The following GDF1 variants were observed in gnomAD, a reference collection of about 807,000 sequenced individuals.
GDF1 encodes the protein embryonic growth/differentiation factor 1.
In GDF1, 8 loss-of-function variants were observed where a neutral mutation model predicts 7.4. The ratio of observed to expected loss-of-function variants is 1.09; its 90% CI spans 0.64 to 1.96. The LOEUF is 1.96. Ranked by LOEUF, GDF1 falls within the 30% of genes most tolerant of loss-of-function variation. GDF1 has a pLI of 0.00. For missense variants in GDF1, 574 were observed against 551.5 expected, an observed-to-expected ratio of 1.04 and a Z score of -0.41; for synonymous variants, 311 against 276.7, an observed-to-expected ratio of 1.12 and a Z score of -1.23.
At chr19:18,886,594 G>A (rs901695635) in intron 2 of GDF1, among the ~76,000 whole-genome samples, 6 of 152,000 alleles carry the variant, frequency 3.9e-5, no homozygotes, top group East Asian at 1.9e-4. Flanking sequence ...AAAAAAAGGC[G>A]GGAAGCCATG....
intron 1 of GDF1, 88 bp from the exon 2 acceptor site, chr19:18,893,663 C>T: frequency 7.3e-7 from 1 of 1,369,924 alleles, no homozygotes; most frequent in African/African-American, 1.4e-5. Flanking sequence ...CCCAGGGACT[C>T]CCCAGGCCGG....
At chr19:18,893,685 A>G in intron 1 of GDF1, 110 bp from the exon 2 acceptor site, 1 of 1,147,542 alleles carries the variant, frequency 8.7e-7, no homozygotes, top group Non-Finnish European at 1.2e-6. Context: ...CAGCACTGGG[A>G]AGGCCTGTCC....
rs1473200602 is a variant in GDF1 at position 18,896,096 on chromosome 19, C to G, written c.-1346G>C. ...ATACCGCCCGCTCGCCCGCCGTGCC[C>G]GTCGCCTGCGCCCGCCCGCGGTAGC... On this transcript the variant is annotated 5_prime_UTR_variant, in exon 1 of 8. Transcript: ENST00000247005. This position sits in a 1 kb window ranked among gnomAD's most constrained non-coding sequence, Gnocchi z 5.9. 19 of 908,010 alleles carry G rather than the reference C, an allele frequency of 2.1e-5. No homozygotes were observed. Among genetic ancestry groups the G allele is most frequent in the Non-Finnish European group, 2.5e-5 (19 of 761,990 alleles). The allele number at this position is 908,010 out of a possible 1,614,324, so 56.2% of individuals were successfully genotyped here.
rs751015517 is a variant in GDF1 at position 18,870,127 on chromosome 19, C to T, written c.181G>A (p.Val61Ile). ...GAPRLRPVPP[V>I]MWRLFRRRDP... ...CGGCGTCGAAACAGGCGCCACATGA[C>T]CGGGGGAACCGGCCGGAGCCTGGGG... Residue 61 changes from valine to isoleucine, a missense_variant, in exon 7 of 8, where the codon GTC becomes ATC. Transcript: ENST00000247005. The surrounding 1 kb of genome is among the most constrained non-coding windows in gnomAD (Gnocchi z 5.1). 1 of 1,566,032 alleles carries T rather than the reference C, an allele frequency of 6.4e-7. No homozygotes were observed. The highest frequency in any genetic ancestry group is 1.2e-5 in the South Asian group (1 of 86,220).
Position 18,878,733 on chromosome 19 carries a change from T to A in GDF1, c.-313+197A>T. 7.2e-7 allele frequency: 1 copy of A among 1,382,570 alleles called. No homozygotes were observed. The highest frequency in any genetic ancestry group is 9.4e-7 in the Non-Finnish European group (1 of 1,065,622). The allele number at this position is 1,382,570 out of a possible 1,614,324, so 85.6% of individuals were successfully genotyped here. Reference sequence around the variant, plus strand: ...GCCCCTCCCCAGCCTCTCCCTCCCCTTCCTCACTGTCCTGTCCTTCAGGGT... The same window carrying A: ...GCCCCTCCCCAGCCTCTCCCTCCCCATCCTCACTGTCCTGTCCTTCAGGGT... On this transcript the variant is annotated intron_variant, in intron 6 of 7. Coordinates refer to ENST00000247005, the MANE Select transcript of GDF1 (RefSeq NM_001492.6). This position sits in a 1 kb window ranked among gnomAD's most constrained non-coding sequence, Gnocchi z 4.6.
Position 18,870,352 on chromosome 19 carries a change from G to A in GDF1, c.-45C>T. On this transcript the variant is annotated 5_prime_UTR_variant, in exon 7 of 8. Transcript: ENST00000247005. The surrounding 1 kb of genome is among the most constrained non-coding windows in gnomAD (Gnocchi z 5.1). ...CAGAGAGTGCGCAGGGTCCGCGGCG[G>A]CCCGGGACCAGTGGGCTGAGGGCGG... 1 of 1,541,002 alleles carries A rather than the reference G, an allele frequency of 6.5e-7. No homozygotes were observed. Among genetic ancestry groups the A allele is most frequent in the Non-Finnish European group, 8.7e-7 (1 of 1,145,248 alleles).
At chr19:18,872,806 G>A (rs1036834769) in intron 6 of GDF1, among the ~76,000 whole-genome samples, 5 of 150,398 alleles carry the variant, frequency 3.3e-5, no homozygotes, top group East Asian at 2.0e-4. Flanking sequence ...TGAGCGCCGC[G>A]CCTGGCTAAT....
rs1354366394 is a variant in GDF1 at position 18,868,784 on chromosome 19, C to A, written c.932G>T (p.Gly311Val). ...ALPVALSGSG[G>V]PPALNHAVLR... ...CACAGCGTGGTTGAGCGCCGGCGGC[C>A]CCCCGGACCCCGACAGCGCGACGGG... The change falls in exon 8 of 8, where the codon GGG becomes GTG. Residue 311 changes from glycine to valine, a missense_variant. Gly to Val is a moderately radical substitution (Grantham distance 109). Transcript: ENST00000247005. The A allele has an allele frequency of 6.8e-7, 1 of 1,462,994 alleles. No individual in the cohort carries two copies. The highest frequency in any genetic ancestry group is 3.1e-5 in the East Asian group (1 of 32,022). The allele number at this position is 1,462,994 out of a possible 1,614,324, so 90.6% of individuals were successfully genotyped here.
chr19:18,888,190 G>T (rs2056405864), intron 2 of GDF1, among the ~76,000 whole-genome samples: 2 of 151,292 alleles, frequency 1.3e-5, no homozygotes, highest in South Asian at 4.2e-4. Flanking sequence ...TGAAACCCCA[G>T]CTCTACTAAA....
chr19:18,894,092 C>T (rs993965187), intron 1 of GDF1, among the ~76,000 whole-genome samples: 20 of 130,206 alleles, frequency 1.5e-4, no homozygotes, highest in Admixed American at 2.3e-4. Flanking sequence ...GTGGCGGGGA[C>T]ATGGGAACCT....
intron 7 of GDF1, among the ~76,000 whole-genome samples, chr19:18,869,690 G>A (rs2055928593): frequency 6.6e-6 from 1 of 150,898 alleles, no homozygotes; most frequent in African/African-American, 2.4e-5. Context: ...GCTAGGGTGT[G>A]GGGATGGCAT....
At chr19:18,886,178 G>C (rs966871571) in intron 2 of GDF1, among the ~76,000 whole-genome samples, 23 of 150,912 alleles carry the variant, frequency 1.5e-4, no homozygotes, top group Non-Finnish European at 3.1e-4. Context: ...GGCCGAGGCA[G>C]GAGAGTTGCT....
At position 18,869,051 on chromosome 19, in the gene GDF1, C is replaced by T. The variant is rs948898162; in HGVS notation, c.665G>A (p.Arg222Gln). 2 of 1,064,544 alleles carry T rather than the reference C, an allele frequency of 1.9e-6. No individual in the cohort carries two copies. The highest frequency in any genetic ancestry group is 2.3e-6 in the Non-Finnish European group (2 of 882,042). 65.9% of individuals were successfully genotyped at this position (1,064,544 alleles called of 1,614,324 possible). ...CAGGCGCGCGCAGGCGGCAGGGGCC[C>T]GGGGGCGTAGCGCCAGCGCCAGGCG... ...SLRLALALRP[R>Q]APAACARLAE... Residue 222 changes from arginine to glutamine, a missense_variant, in exon 8 of 8, where the codon CGG (arginine) becomes CAG (glutamine). Coordinates refer to ENST00000247005, the MANE Select transcript of GDF1 (RefSeq NM_001492.6).
intron 6 of GDF1, among the ~76,000 whole-genome samples, chr19:18,873,488 G>C (rs73526927): frequency 0.012 from 1,878 of 152,060 alleles, 40 homozygotes; most frequent in African/African-American, 0.042. Context: ...CCTGACCCTA[G>C]GAGTTTGAGA....
At chr19:18,881,269 G>C (rs1001086524) in intron 3 of GDF1, among the ~76,000 whole-genome samples, 2 of 151,046 alleles carry the variant, frequency 1.3e-5, no homozygotes, top group African/African-American at 4.9e-5. Context: ...GCCCAGGCTG[G>C]AGCGCAATGG....
At chr19:18,880,101 G>A (rs1222545197) in intron 4 of GDF1, among the ~76,000 whole-genome samples, 173 bp downstream of exon 4, 2 of 147,622 alleles carry the variant, frequency 1.4e-5, no homozygotes, top group African/African-American at 5.0e-5. Context: ...CTCCTTTCCT[G>A]TATAGCCCCG....
At chr19:18,872,301 G>A (rs550649279) in intron 6 of GDF1, among the ~76,000 whole-genome samples, 4 of 152,244 alleles carry the variant, frequency 2.6e-5, no homozygotes, top group South Asian at 4.1e-4. Context: ...TGTGGGTGGC[G>A]GTGTACCCAC....
intron 2 of GDF1, among the ~76,000 whole-genome samples, chr19:18,890,820 C>T (rs1407674284): frequency 6.9e-6 from 1 of 145,962 alleles, no homozygotes; most frequent in Non-Finnish European, 1.5e-5. Flanking sequence ...AAAGGCAAGT[C>T]CATGCCCAAA....
In GDF1 at chr19:18,875,560, A is replaced by C. The variant is rs191277091; in HGVS notation, c.-313+3370T>G. Among the ~76,000 whole-genome samples the C allele has an allele frequency of 2.2e-3, 335 of 151,626 alleles. 2 individuals carry two copies. The highest frequency in any genetic ancestry group is 7.8e-3 in the African/African-American group (320 of 41,278). On this transcript the variant is annotated intron_variant, in intron 6 of 7. Coordinates refer to ENST00000247005, the MANE Select transcript of GDF1 (RefSeq NM_001492.6). ...ACTGTCTCAAAAAAAAAAAAAAAAG[A>C]AGCTTTTGGATTCAACTGTTAAAAC...
Sources: gnomAD v4.1 joint callset for allele counts (sites outside exome capture counted in the v4.1 genomes callset) on GRCh38, gnomAD v4.1.1 for gene constraint, Gnocchi (gnomAD v3.1) non-coding constraint, MANE v1.5 for transcripts, NCBI Gene and HGNC (gene_info 2026-07-23, HGNC 2026-07-21) for gene names.